PTPRD: variants seen among roughly 807,000 people sequenced by gnomAD.
PTPRD encodes protein tyrosine phosphatase receptor type D, also known as receptor-type tyrosine-protein phosphatase delta.
A neutral mutation model predicts 214.5 loss-of-function variants in PTPRD; 34 were observed. The ratio of observed to expected loss-of-function variants is 0.16; its 90% CI spans 0.12 to 0.21. PTPRD has a LOEUF of 0.21. Ranked by LOEUF, PTPRD falls within the 10% of genes least tolerant of loss-of-function variation. PTPRD has a pLI of 1.00. For missense variants in PTPRD, 2,545 were observed against 2,398.7 expected (o/e 1.06, Z -1.27); for synonymous variants, 1,128 against 845.7 (o/e 1.33, Z -5.79).
At chr9:10,222,366 C>G (rs1206121996) in intron 3 of PTPRD, among the ~76,000 whole-genome samples, 2 of 152,016 alleles carry the variant, frequency 1.3e-5, no homozygotes, top group Non-Finnish European at 2.9e-5. Context: ...AAATTGGCCA[C>G]TGTTTCTAAA....
chr9:10,184,495 G>A (rs190695207), intron 3 of PTPRD, among the ~76,000 whole-genome samples: 1 of 152,038 alleles, frequency 6.6e-6, no homozygotes, highest in Non-Finnish European at 1.5e-5. Context: ...TCTGAGACAA[G>A]AATTAGGGTA....
chr9:10,092,605 T>A (rs1590938762), intron 3 of PTPRD, among the ~76,000 whole-genome samples: 1 of 151,430 alleles, frequency 6.6e-6, no homozygotes, highest in East Asian at 1.9e-4. Flanking sequence ...AATAGAAAAA[T>A]GAAATTATTC....
At chr9:8,568,017 AT>A (rs2089938510) in intron 14 of PTPRD, among the ~76,000 whole-genome samples, 1 of 152,152 alleles carries the variant, frequency 6.6e-6, no homozygotes, top group South Asian at 2.1e-4. Flanking sequence ...GCTGTCAACC[AT>A]TTTTAATGGA....
chr9:9,672,229 A>C, intron 7 of PTPRD, among the ~76,000 whole-genome samples: 1 of 152,204 alleles, frequency 6.6e-6, no homozygotes, highest in East Asian at 1.9e-4. Context: ...TTTTCTGAAA[A>C]CAGTAAATTT....
At chr9:8,546,079 C>T (rs2080053582) in intron 14 of PTPRD, among the ~76,000 whole-genome samples, 1 of 152,182 alleles carries the variant, frequency 6.6e-6, no homozygotes. Context: ...CTTAACCGAC[C>T]ACATAGTGTT....
intron 8 of PTPRD, among the ~76,000 whole-genome samples, chr9:9,487,326 T>A (rs1287734151): frequency 6.6e-6 from 1 of 152,090 alleles, no homozygotes; most frequent in East Asian, 1.9e-4. Flanking sequence ...TTTTTTGTCC[T>A]TGCGATAGTT....
At chr9:9,260,025 A>G (rs1276232701) in intron 9 of PTPRD, among the ~76,000 whole-genome samples, 3 of 151,932 alleles carry the variant, frequency 2.0e-5, no homozygotes, top group Non-Finnish European at 4.4e-5. Flanking sequence ...AGAATTTAAC[A>G]GTCAGATAAT....
At chr9:10,392,263 T>A (rs1587007659) in intron 2 of PTPRD, among the ~76,000 whole-genome samples, 1 of 152,068 alleles carries the variant, frequency 6.6e-6, no homozygotes, top group Admixed American at 6.6e-5. Context: ...ACTAGCCACA[T>A]GAGGATCAGG....
chr9:9,233,556 G>C (rs895038376), intron 9 of PTPRD, among the ~76,000 whole-genome samples: 8 of 152,144 alleles, frequency 5.3e-5, no homozygotes, highest in Non-Finnish European at 1.0e-4. Flanking sequence ...AAAAGTCCAA[G>C]TTCAAAGTCT....
At chr9:9,940,684 CAACA>C (rs1407592879) in intron 4 of PTPRD, among the ~76,000 whole-genome samples, 2 of 152,080 alleles carry the variant, frequency 1.3e-5, no homozygotes, top group African/African-American at 4.8e-5. Context: ...AAAAATAAAT[CAACA>C]AACACATATA....
At chr9:8,793,648 C>T (rs897762085) in intron 11 of PTPRD, among the ~76,000 whole-genome samples, 13 of 152,180 alleles carry the variant, frequency 8.5e-5, no homozygotes, top group Admixed American at 7.2e-4. Context: ...ATTCAGAACA[C>T]TTTTGTTTGC....
At chr9:9,547,796 TCACACA>T (rs35772205) in intron 8 of PTPRD, among the ~76,000 whole-genome samples, 9 of 142,478 alleles carry the variant, frequency 6.3e-5, no homozygotes, top group South Asian at 2.3e-4. Flanking sequence ...AAACACAAAT[TCACACA>T]CACACACACA....
intron 11 of PTPRD, among the ~76,000 whole-genome samples, chr9:8,889,226 A>G (rs1031707378): frequency 6.6e-6 from 1 of 152,134 alleles, no homozygotes; most frequent in Non-Finnish European, 1.5e-5. Flanking sequence ...TACTAAAACC[A>G]GAAATACAGA....
At chr9:8,341,547 G>C (rs1415381408) in intron 40 of PTPRD, 146 bp downstream of exon 40, 1 of 969,632 alleles carries the variant, frequency 1.0e-6, no homozygotes, top group Admixed American at 2.4e-5. Context: ...AAAAGGGGAG[G>C]AATACATTTT....
intron 8 of PTPRD, among the ~76,000 whole-genome samples, chr9:9,429,993 A>C (rs2082453412): frequency 6.6e-6 from 1 of 152,182 alleles, no homozygotes. Flanking sequence ...AACTGGCACA[A>C]GACAGGGATG....
At chr9:10,247,459 C>T (rs2092284018) in intron 3 of PTPRD, among the ~76,000 whole-genome samples, 1 of 152,110 alleles carries the variant, frequency 6.6e-6, no homozygotes, top group African/African-American at 2.4e-5. Context: ...AACTTTTAAA[C>T]ATGTTTTAGT....
chr9:8,830,846 T>A (rs1312266145), intron 11 of PTPRD, among the ~76,000 whole-genome samples: 1 of 152,174 alleles, frequency 6.6e-6, no homozygotes, highest in Non-Finnish European at 1.5e-5. Flanking sequence ...TACTAGAGTG[T>A]AAACTGTTGC....
chr9:9,729,312 T>C (rs1178151092), intron 7 of PTPRD, among the ~76,000 whole-genome samples: 4 of 152,090 alleles, frequency 2.6e-5, no homozygotes, highest in Admixed American at 2.0e-4. Flanking sequence ...CTGTCTCAAA[T>C]GCATGCCTCC....
chr9:9,320,234 A>C (rs776093574), intron 9 of PTPRD, among the ~76,000 whole-genome samples: 14 of 152,148 alleles, frequency 9.2e-5, no homozygotes, highest in Admixed American at 5.2e-4. Context: ...TGTTTTAATA[A>C]AAAGGACACT....
Sources: allele counts gnomAD v4.1 joint callset (sites outside exome capture counted in the v4.1 genomes callset), GRCh38; gene constraint gnomAD v4.1.1; transcripts MANE v1.5; gene names NCBI Gene and HGNC (gene_info 2026-07-23, HGNC 2026-07-21).